Variants in GTF3C1 observed in about 807,000 individuals in gnomAD.
The protein encoded by GTF3C1 is general transcription factor IIIC subunit 1.
GTF3C1 carries 57 observed loss-of-function variants against 226.7 expected under a neutral mutation model. That is an observed-to-expected ratio of 0.25 (90% CI 0.20 to 0.31). GTF3C1 has a LOEUF of 0.31. GTF3C1 is among the 10% of genes least tolerant of loss of function. The probability of loss-of-function intolerance (pLI) is 1.00; values close to 1 mark genes in which losing one functional copy is unlikely to be tolerated. For missense variants in GTF3C1, 2,217 were observed against 2,776.1 expected (o/e 0.80, Z 4.53); for synonymous variants, 1,090 against 1,084.8 (o/e 1.00, Z -0.09).
intron 2 of GTF3C1, 113 bp from the exon 3 acceptor site, chr16:27,538,469 C>T: frequency 6.3e-6 from 4 of 635,464 alleles, no homozygotes; most frequent in Middle Eastern, 2.7e-4. Flanking sequence ...TAGGAGTTTA[C>T]AAGATCCCAA....
intron 19 of GTF3C1, among the ~76,000 whole-genome samples, chr16:27,490,498 G>A (rs369599888): frequency 1.6e-4 from 24 of 152,202 alleles, no homozygotes; most frequent in African/African-American, 3.9e-4. Flanking sequence ...TACTTGAGAC[G>A]CCTTGCCCAA....
chr16:27,529,183 C>A (rs547743911), intron 5 of GTF3C1, among the ~76,000 whole-genome samples: 1 of 152,128 alleles, frequency 6.6e-6, no homozygotes, highest in Non-Finnish European at 1.5e-5. Context: ...GTGGCTGACA[C>A]CTGTAATCCC....
At position 27,469,285 on chromosome 16, in the gene GTF3C1, A is replaced by C; in HGVS notation, c.5074+6T>G. ...GCCCTCCCACAGCACCAGCAGGAGC[A>C]CTCACCAGCGGGCCTGAGCCGGGCG... On this transcript the variant is annotated splice_donor_region_variant and intron_variant, in intron 32 of 36. Transcript: ENST00000356183. This position sits in a 1 kb window ranked among gnomAD's most constrained non-coding sequence, Gnocchi z 4.5. 6.4e-7 allele frequency: 1 copy of C among 1,552,098 alleles called. No homozygotes were observed. Among genetic ancestry groups the C allele is most frequent in the Non-Finnish European group, 8.7e-7 (1 of 1,145,892 alleles).
rs1199589476 is a variant in GTF3C1, at chr16:27,470,313, C to T, written c.4609G>A (p.Asp1537Asn). 6.2e-7 allele frequency: 1 copy of T among 1,613,802 alleles called. No homozygotes were observed. The highest frequency in any genetic ancestry group is 8.5e-7 in the Non-Finnish European group (1 of 1,179,718). The change falls in exon 31 of 37, where the codon GAC becomes AAC. Residue 1537 changes from aspartate (D) to asparagine (N), a missense_variant. Physicochemically the swap from Asp to Asn is conservative, Grantham distance 23. Around this residue, in one of 12 missense-constraint regions of GTF3C1, gnomAD observed 546 missense variants for 663.0 expected, o/e 0.82. Coordinates refer to ENST00000356183, the MANE Select transcript of GTF3C1 (RefSeq NM_001520.4). This position sits in a 1 kb window ranked among gnomAD's most constrained non-coding sequence, Gnocchi z 4.9. ...TTGAAAGAGAAACGATCAGGCTGGT[C>T]CAACTTGCCGGCAGCCCGCATTCTG... The part of the protein sequence containing the change: ...LDRMRAAGKL[D>N]QPDRFSFKDQ...
At chr16:27,511,718 A>G (rs770038089) in intron 7 of GTF3C1, 31 bp downstream of exon 7, 2 of 1,610,144 alleles carry the variant, frequency 1.2e-6, no homozygotes, top group South Asian at 1.1e-5. Context: ...CTCGGGATCC[A>G]TATCCAAGCT....
intron 5 of GTF3C1, among the ~76,000 whole-genome samples, chr16:27,530,628 T>C (rs940184619): frequency 3.9e-5 from 6 of 152,200 alleles, no homozygotes; most frequent in Non-Finnish European, 5.9e-5. Flanking sequence ...CACCAGGGGA[T>C]AGTCATGGAA....
chr16:27,489,087 G>A lies in GTF3C1; in HGVS notation c.3385C>T (p.Arg1129Cys), dbSNP rs764496665. 1.9e-6 allele frequency: 3 copies of A among 1,613,796 alleles called. No homozygotes were observed. The highest frequency in any genetic ancestry group is 2.5e-6 in the Non-Finnish European group (3 of 1,179,860). The change falls in exon 21 of 37, where the codon CGC becomes TGC. Residue 1129 changes from arginine (R) to cysteine (C), a missense_variant. Arg to Cys is a radical substitution (Grantham distance 180). Transcript: ENST00000356183. ...ATGTAGCTGGTCCAGATCCAGTTGCGCTTGAGGTGTCCGTAGAAGCTGGAA... is the reference window on the plus strand; with the variant it reads ...ATGTAGCTGGTCCAGATCCAGTTGCACTTGAGGTGTCCGTAGAAGCTGGAA... ...LDSSFYGHLK[R>C]NWIWTSYIIN... is the part of the protein sequence containing the mutation.
chr16:27,478,421 A>T, intron 28 of GTF3C1, 48 bp downstream of exon 28: 1 of 1,240,746 alleles, frequency 8.1e-7, no homozygotes, highest in Non-Finnish European at 1.2e-6. Flanking sequence ...GTCAGCCATC[A>T]AGTTATTAAG....
chr16:27,536,136 C>T (rs562979736), intron 4 of GTF3C1, among the ~76,000 whole-genome samples: 6 of 152,268 alleles, frequency 3.9e-5, no homozygotes, highest in East Asian at 1.9e-4. Context: ...GTGTTGTAAA[C>T]GTATTTTCTT....
intron 6 of GTF3C1, among the ~76,000 whole-genome samples, chr16:27,523,038 C>T (rs2088774428): frequency 6.6e-6 from 1 of 152,128 alleles, no homozygotes; most frequent in African/African-American, 2.4e-5. Context: ...CAATGCTGAA[C>T]TTGTGACAAC....
chr16:27,524,948 G>A (rs1170521421), intron 6 of GTF3C1, among the ~76,000 whole-genome samples: 1 of 152,114 alleles, frequency 6.6e-6, no homozygotes, highest in African/African-American at 2.4e-5. Flanking sequence ...GAGGTCAGGG[G>A]TTCAAGACCA....
intron 6 of GTF3C1, among the ~76,000 whole-genome samples, chr16:27,527,274 C>T (rs2088846926): frequency 6.6e-6 from 1 of 152,192 alleles, no homozygotes; most frequent in Non-Finnish European, 1.5e-5. Flanking sequence ...CTCTGCCTCC[C>T]AGGTTCAAGC....
rs2087723537 is a variant in GTF3C1, at chr16:27,462,654, A to G, written c.5925-168T>C. 3.3e-6 allele frequency: 2 copies of G among 598,040 alleles called. No individual in the cohort carries two copies. Among genetic ancestry groups the G allele is most frequent in the Admixed American group, 5.8e-5 (2 of 34,698 alleles). 37.0% of individuals were successfully genotyped at this position (598,040 alleles called of 1,614,324 possible). A position where few individuals can be genotyped will look rare whatever the true frequency, so the allele number is the denominator to read the frequency against. ...AACTCCCTGCTTCTCTCCTGTCTGG[A>G]CAGAGGGGCCCTTGACCGCCAGCTG... On this transcript the variant is annotated intron_variant, in intron 35 of 36. Transcript: ENST00000356183. The surrounding 1 kb of genome is among the most constrained non-coding windows in gnomAD (Gnocchi z 4.5).
intron 6 of GTF3C1, among the ~76,000 whole-genome samples, chr16:27,523,114 T>C (rs1239003112): frequency 1.3e-5 from 2 of 152,230 alleles, no homozygotes; most frequent in Non-Finnish European, 2.9e-5. Context: ...CTGTGAGTTG[T>C]TTCCAACTGT....
At chr16:27,505,108 G>A (rs1283462735) in intron 10 of GTF3C1, among the ~76,000 whole-genome samples, 1 of 152,128 alleles carries the variant, frequency 6.6e-6, no homozygotes, top group Non-Finnish European at 1.5e-5. Context: ...TGTTGACATG[G>A]TATTAGGTGA....
At position 27,538,266 on chromosome 16, in the gene GTF3C1, G is replaced by C. The variant is rs770744373; in HGVS notation, c.522C>G (p.Pro174=). ...GTTCCAGGATGCAGTAGGAGAAGTCGGGCAGCTTCAGGTCGGGATCCCCCT... is the reference window on the plus strand; with the variant it reads ...GTTCCAGGATGCAGTAGGAGAAGTCCGGCAGCTTCAGGTCGGGATCCCCCT... ...GQEGDPDLKL[P]DFSYCILERL... The change falls in exon 3 of 37, where the codon CCC becomes CCG. Residue 174 remains proline (P), a synonymous_variant. Coordinates refer to ENST00000356183, the MANE Select transcript of GTF3C1 (RefSeq NM_001520.4). 1 of 1,610,634 alleles carries C rather than the reference G, an allele frequency of 6.2e-7. No homozygotes were observed. The highest frequency in any genetic ancestry group is 1.7e-5 in the Admixed American group (1 of 59,936).
chr16:27,478,579 ACT>A, intron 27 of GTF3C1, 48 bp from the exon 28 acceptor site: 1 of 1,309,916 alleles, frequency 7.6e-7, no homozygotes. Flanking sequence ...ACAGCTCCTC[ACT>A]AAGCAAGCGG....
rs2088253879 is a variant in GTF3C1, at chr16:27,492,841, G to A, written c.2877-128C>T. ...CCACCTGGTGGTCACTGGAGGACCAGCCTCAAGCCCACACTGCACTAAGGC... is the reference window on the plus strand; with the variant it reads ...CCACCTGGTGGTCACTGGAGGACCAACCTCAAGCCCACACTGCACTAAGGC... On this transcript the variant is annotated intron_variant, in intron 17 of 36. Transcript: ENST00000356183. This position sits in a 1 kb window ranked among gnomAD's most constrained non-coding sequence, Gnocchi z 5.0. 3 of 676,390 alleles carry A rather than the reference G, an allele frequency of 4.4e-6. No homozygotes were observed. The highest frequency in any genetic ancestry group is 2.6e-5 in the East Asian group (1 of 37,980). The allele number at this position is 676,390 out of a possible 1,614,324, so 41.9% of individuals were successfully genotyped here.
rs1244035359 is a variant in GTF3C1 at position 27,471,619 on chromosome 16, C to T, written c.4526+129G>A. ...GGCTGCAGGAAACCCAAGCCGGCAT[C>T]TTGCACATGAGGCTGCGAAGGTCCC... On this transcript the variant is annotated intron_variant, in intron 30 of 36. Transcript: ENST00000356183. The surrounding 1 kb of genome is among the most constrained non-coding windows in gnomAD (Gnocchi z 5.0). 1 of 722,238 alleles carries T rather than the reference C, an allele frequency of 1.4e-6. No homozygotes were observed. The highest frequency in any genetic ancestry group is 2.4e-6 in the Non-Finnish European group (1 of 418,544). The allele number at this position is 722,238 out of a possible 1,614,324, so 44.7% of individuals were successfully genotyped here.
Sources: allele counts gnomAD v4.1 joint callset (sites outside exome capture counted in the v4.1 genomes callset), GRCh38; gene constraint gnomAD v4.1.1; regional missense constraint gnomAD v4.1.1; non-coding constraint Gnocchi (gnomAD v3.1); transcripts MANE v1.5; gene names NCBI Gene and HGNC (gene_info 2026-07-23, HGNC 2026-07-21).